Variants in CLDN16 observed in about 807,000 individuals in gnomAD.
The protein encoded by CLDN16 is claudin-16.
A neutral mutation model predicts 24.6 loss-of-function variants in CLDN16; 13 were observed. The ratio of observed to expected loss-of-function variants is 0.53; its 90% confidence interval spans 0.34 to 0.84. The LOEUF (loss-of-function observed/expected upper bound fraction) is 0.84, where lower values mean the gene tolerates loss of function less well. CLDN16 is among the 40% of genes least tolerant of loss of function. The pLI is 0.01. For synonymous variants in CLDN16, 116 were observed against 106.7 expected (o/e 1.09, Z -0.54); for missense variants, 298 against 292.7 (o/e 1.02, Z -0.13).
intron 1 of CLDN16, among the ~76,000 whole-genome samples, chr3:190,344,318 A>C (rs74919579): frequency 0.047 from 7,176 of 151,994 alleles, 565 homozygotes; most frequent in African/African-American, 0.16. Context: ...ATGCACCTCC[A>C]AGAAGCTTTA....
intron 1 of CLDN16, among the ~76,000 whole-genome samples, chr3:190,331,175 C>T (rs887122462): frequency 6.6e-6 from 1 of 152,164 alleles, no homozygotes; most frequent in Non-Finnish European, 1.5e-5. Flanking sequence ...TATGCCTGCC[C>T]TTAGTGCTGC....
the CLDN16 span, among the ~76,000 whole-genome samples, chr3:190,313,859 A>G: frequency 6.6e-6 from 1 of 152,200 alleles, no homozygotes; most frequent in Non-Finnish European, 1.5e-5. Context: ...AGTTTGAGAC[A>G]TTATCACTAT....
chr3:190,368,451 G>T (rs947537595), intron 1 of CLDN16, among the ~76,000 whole-genome samples: 10 of 151,934 alleles, frequency 6.6e-5, no homozygotes, highest in African/African-American at 1.4e-4. Flanking sequence ...TCCATAGAAA[G>T]AAATGATCCA....
At chr3:190,404,950 A>T in intron 3 of CLDN16, 24 bp downstream of exon 3, 1 of 1,612,738 alleles carries the variant, frequency 6.2e-7, no homozygotes, top group Non-Finnish European at 8.5e-7. Flanking sequence ...TGGACTAGCA[A>T]CAGGGGTAGG....
chr3:190,321,358 A>C (rs746286), upstream of CLDN16, among the ~76,000 whole-genome samples: 1 of 151,908 alleles, frequency 6.6e-6, no homozygotes, highest in Non-Finnish European at 1.5e-5. Flanking sequence ...ACTTCGGGGG[A>C]ATCTCAAGCA....
At chr3:190,297,583 A>T in the CLDN16 span, among the ~76,000 whole-genome samples, 129 of 137,858 alleles carry the variant, frequency 9.4e-4, no homozygotes, top group Admixed American at 2.1e-3. Flanking sequence ...ATAATATATA[A>T]TATATATCTA....
chr3:190,293,008 T>C, the CLDN16 span, among the ~76,000 whole-genome samples: 1 of 152,342 alleles, frequency 6.6e-6, no homozygotes, highest in Admixed American at 6.5e-5. Context: ...TAGCAGTACC[T>C]CATTGCCTCA....
At chr3:190,367,009 A>G (rs1577411901) in intron 1 of CLDN16, among the ~76,000 whole-genome samples, 1 of 152,110 alleles carries the variant, frequency 6.6e-6, no homozygotes, top group East Asian at 1.9e-4. Context: ...AAAGAACAAG[A>G]TACATAAAAA....
the CLDN16 span, among the ~76,000 whole-genome samples, chr3:190,310,411 T>G: frequency 6.6e-6 from 1 of 152,226 alleles, no homozygotes; most frequent in Non-Finnish European, 1.5e-5. Context: ...CCAGATATGA[T>G]TTATTCCAAG....
At chr3:190,301,413 T>G in the CLDN16 span, among the ~76,000 whole-genome samples, 87 of 152,080 alleles carry the variant, frequency 5.7e-4, no homozygotes, top group African/African-American at 2.1e-3. Context: ...GAGAATCTCT[T>G]GAACCCGGGA....
In CLDN16 at chr3:190,339,289, T is replaced by A. The variant is rs564930438; in HGVS notation, n.121+16628T>A. Among the ~76,000 whole-genome samples, 52 of 152,332 alleles carry A rather than the reference T, an allele frequency of 3.4e-4. 1 individual carries two copies. The highest frequency in any genetic ancestry group is 1.2e-3 in the African/African-American group (50 of 41,582). ...TTCTAGGCTTCTGGGCCTAACTCAATTACATGTGGCAATGGCTGGGTTTCT... is the reference window on the plus strand; with the variant it reads ...TTCTAGGCTTCTGGGCCTAACTCAAATACATGTGGCAATGGCTGGGTTTCT... On this transcript the variant is annotated intron_variant and non_coding_transcript_variant, in intron 1 of 4. Coordinates refer to the CLDN16 transcript ENST00000468220.
At chr3:190,408,166 G>T in intron 3 of CLDN16, 148 bp from the exon 4 acceptor site, 1 of 777,974 alleles carries the variant, frequency 1.3e-6, no homozygotes, top group Non-Finnish European at 2.3e-6. Context: ...GACAGAAGAA[G>T]TGTCCGAAGT....
At position 190,363,060 on chromosome 3, in the gene CLDN16, T is replaced by G. The variant is rs532436164; in HGVS notation, n.122-7833T>G. 7.1e-4 allele frequency among the ~76,000 whole-genome samples: 108 copies of G among 152,114 alleles called. 2 individuals carry two copies. Among genetic ancestry groups the G allele is most frequent in the African/African-American group, 2.5e-3 (104 of 41,556 alleles). ...TTAAAATGTATTTTTATCTTCCAAT[T>G]TCTCCTTTCCTTCAGAGACATCAAT... On this transcript the variant is annotated intron_variant and non_coding_transcript_variant, in intron 1 of 4. Transcript: ENST00000468220.
intron 1 of CLDN16, among the ~76,000 whole-genome samples, chr3:190,348,397 A>G (rs1480740253): frequency 6.6e-6 from 1 of 150,466 alleles, no homozygotes; most frequent in East Asian, 2.0e-4. Context: ...TGTTTCTTAC[A>G]AAGATATACA....
intron 1 of CLDN16, among the ~76,000 whole-genome samples, chr3:190,337,658 G>T (rs1420724736): frequency 6.6e-6 from 1 of 152,196 alleles, no homozygotes; most frequent in Non-Finnish European, 1.5e-5. Context: ...GTGGCAAGCT[G>T]ATAAAACTGG....
intron 1 of CLDN16, among the ~76,000 whole-genome samples, chr3:190,335,876 G>C (rs1348453783): frequency 6.6e-6 from 1 of 152,126 alleles, no homozygotes; most frequent in Non-Finnish European, 1.5e-5. Context: ...AGACTCTAAA[G>C]ATTTAATTCT....
At chr3:190,352,154 TAA>T (rs146174032) in intron 1 of CLDN16, among the ~76,000 whole-genome samples, 1 of 150,972 alleles carries the variant, frequency 6.6e-6, no homozygotes, top group Non-Finnish European at 1.5e-5. Flanking sequence ...TTTTTTTTTT[TAA>T]AAAAAGACAA....
intron 1 of CLDN16, among the ~76,000 whole-genome samples, chr3:190,323,134 C>T (rs1198974078): frequency 6.6e-6 from 1 of 152,028 alleles, no homozygotes; most frequent in Admixed American, 6.6e-5. Flanking sequence ...TATGATTGTC[C>T]TTTTTGATGT....
intron 2 of CLDN16, chr3:190,371,039 T>TATAA (rs1162902114): frequency 6.7e-4 from 2 of 2,992 alleles, no homozygotes; most frequent in African/African-American, 1.3e-3. Context: ...TATATATATA[T>TATAA]AAAATATATA....
Sources: gnomAD v4.1 joint callset for allele counts (sites outside exome capture counted in the v4.1 genomes callset) on GRCh38, gnomAD v4.1.1 for gene constraint, MANE v1.5 for transcripts, NCBI Gene and HGNC (gene_info 2026-07-23, HGNC 2026-07-21) for gene names.